The following ANKRD18B variants were observed in gnomAD, a reference collection of about 807,000 sequenced individuals.
The protein encoded by ANKRD18B is ankyrin repeat domain-containing protein 18B.
A neutral mutation model predicts 111.8 loss-of-function variants in ANKRD18B; 75 were observed. That is an observed-to-expected ratio of 0.67 (90% confidence interval 0.56 to 0.81). The LOEUF (loss-of-function observed/expected upper bound fraction) is 0.81, where lower values mean the gene tolerates loss of function less well. ANKRD18B is among the 40% of genes least tolerant of loss of function. The probability of loss-of-function intolerance (pLI) is 0.00; values close to 1 mark genes in which losing one functional copy is unlikely to be tolerated. For synonymous variants in ANKRD18B, 356 were observed against 417.3 expected (o/e 0.85, Z 1.79); for missense variants, 1,038 against 1,225.5 (o/e 0.85, Z 2.28).
chr9:33,558,994 G>A (rs1373473948), intron 14 of ANKRD18B, among the ~76,000 whole-genome samples: 1 of 152,086 alleles, frequency 6.6e-6, no homozygotes, highest in African/African-American at 2.4e-5. Flanking sequence ...AAAAAGGAGG[G>A]GCTAACAAGT....
At chr9:33,570,868 C>G (rs1828764037) in intron 17 of ANKRD18B, among the ~76,000 whole-genome samples, 1 of 152,082 alleles carries the variant, frequency 6.6e-6, no homozygotes, top group African/African-American at 2.4e-5. Context: ...GATCTCTTGA[C>G]CTCGTGATCT....
intron 12 of ANKRD18B, among the ~76,000 whole-genome samples, chr9:33,555,233 T>G (rs1409146039): frequency 2.0e-5 from 3 of 152,168 alleles, no homozygotes; most frequent in Non-Finnish European, 4.4e-5. Context: ...GGTGAATACT[T>G]ACAGAGAATG....
At chr9:33,554,931 ACCTTTG>A (rs1828500357) in intron 12 of ANKRD18B, among the ~76,000 whole-genome samples, 1 of 150,912 alleles carries the variant, frequency 6.6e-6, no homozygotes, top group Non-Finnish European at 1.5e-5. Flanking sequence ...ATTACACATG[ACCTTTG>A]CCAAGCAACC....
chr9:33,528,479 G>A (rs1210083228), intron 1 of ANKRD18B, among the ~76,000 whole-genome samples: 2 of 152,170 alleles, frequency 1.3e-5, no homozygotes, highest in Non-Finnish European at 2.9e-5. Flanking sequence ...GTAGGTGACC[G>A]AGTTCAAAGT....
chr9:33,551,665 T>C (rs1179350599), intron 12 of ANKRD18B, among the ~76,000 whole-genome samples: 1 of 152,090 alleles, frequency 6.6e-6, no homozygotes, highest in East Asian at 1.9e-4. Flanking sequence ...GATGGACCTT[T>C]AGGTTGTTTC....
intron 6 of ANKRD18B, among the ~76,000 whole-genome samples, chr9:33,538,603 G>T (rs191030384): frequency 5.4e-4 from 82 of 152,128 alleles, no homozygotes; most frequent in African/African-American, 2.0e-3. Flanking sequence ...AGGCATGGGG[G>T]TGGGCACCTG....
chr9:33,570,259 A>T (rs1828750038), intron 17 of ANKRD18B, among the ~76,000 whole-genome samples: 1 of 152,204 alleles, frequency 6.6e-6, no homozygotes, highest in Admixed American at 6.5e-5. Context: ...GTGCCCATTG[A>T]CATAAACATG....
chr9:33,534,038 G>A (rs1339794541), intron 4 of ANKRD18B, among the ~76,000 whole-genome samples: 1 of 152,018 alleles, frequency 6.6e-6, no homozygotes, highest in East Asian at 1.9e-4. Context: ...AAAGCAATGG[G>A]AAAATCTTCA....
chr9:33,561,196 C>T (rs1828601623), intron 14 of ANKRD18B, among the ~76,000 whole-genome samples: 4 of 152,176 alleles, frequency 2.6e-5, no homozygotes, highest in African/African-American at 7.2e-5. Flanking sequence ...TTCCCTAACA[C>T]TTATTTTCTC....
chr9:33,555,664 G>A, intron 12 of ANKRD18B, 44 bp from the exon 13 acceptor site: 2 of 1,211,266 alleles, frequency 1.7e-6, no homozygotes, highest in Non-Finnish European at 2.2e-6. Flanking sequence ...ATAGAAGAGG[G>A]TCTCTAGATT....
chr9:33,548,657 A>G lies in ANKRD18B; in HGVS notation c.1869A>G (p.Glu623=), dbSNP rs888000380. The change falls in exon 11 of 19, where the codon GAA becomes GAG. Residue 623 remains glutamate (E), a synonymous_variant. Transcript: ENST00000684830. The stretch of plus-strand genomic sequence containing the variant: ...AGAGAATACGTCAACGAGAACTTGA[A>G]AATCTCTTGCTTGAACGACAACTAG... ...SEERIRQREL[E]NLLLERQLED... The G allele has an allele frequency of 1.9e-6, 3 of 1,551,208 alleles. No homozygotes were observed. Among genetic ancestry groups the G allele is most frequent in the African/African-American group, 2.7e-5 (2 of 73,018 alleles).
rs774230880 is a variant in ANKRD18B at position 33,529,123 on chromosome 9, C to G, written c.445C>G (p.Leu149Val). ...TGCCGTGTATAATGAGGGGACTTCA[C>G]TGGCAGAAAGACTGCTTTCCCACCA... ...HYAVYNEGTS[L>V]AERLLSHHAN... The change falls in exon 3 of 19, where the codon CTG (leucine) becomes GTG (valine). Residue 149 changes from leucine to valine, a missense_variant. Transcript: ENST00000684830. 1.9e-6 allele frequency: 3 copies of G among 1,611,984 alleles called. No homozygotes were observed. Among genetic ancestry groups the G allele is most frequent in the East Asian group, 2.2e-5 (1 of 44,882 alleles).
chr9:33,538,550 A>G (rs1328300655), intron 6 of ANKRD18B, among the ~76,000 whole-genome samples: 1 of 152,212 alleles, frequency 6.6e-6, no homozygotes, highest in Non-Finnish European at 1.5e-5. Context: ...AGCCTGACCA[A>G]CATGGTGAAA....
chr9:33,526,527 C>T (rs2117959742), intron 1 of ANKRD18B, among the ~76,000 whole-genome samples: 1 of 152,102 alleles, frequency 6.6e-6, no homozygotes, highest in Admixed American at 6.5e-5. Context: ...CTTTTTCTTA[C>T]CTTTGATTTC....
intron 9 of ANKRD18B, among the ~76,000 whole-genome samples, chr9:33,541,830 A>G (rs540707249): frequency 6.6e-6 from 1 of 152,348 alleles, no homozygotes; most frequent in South Asian, 2.1e-4. Flanking sequence ...TGGTTTATAT[A>G]AGGCTTTCAG....
rs141289323 is a variant in ANKRD18B, at chr9:33,531,826, T to C, written c.496-1613T>C. On this transcript the variant is annotated intron_variant, in intron 3 of 18. Coordinates refer to ENST00000684830, the MANE Select transcript of ANKRD18B (RefSeq NM_001393611.1). ...TCTTTTTTTATATCTATACCACAAA[T>C]AGTCATCTGCTCATAAGAATGCCTA... 2.7e-3 allele frequency among the ~76,000 whole-genome samples: 412 copies of C among 151,750 alleles called. 6 individuals carry two copies. The highest frequency in any genetic ancestry group is 9.6e-3 in the African/African-American group (396 of 41,292).
chr9:33,568,903 A>G lies in ANKRD18B; in HGVS notation c.3177+10A>G, dbSNP rs1587278727. On this transcript the variant is annotated intron_variant, in intron 17 of 18. Transcript: ENST00000684830. ...GAACTCCTTGACTGAGGTTAGTTATATGACCATTTCTCTTTTGGGTTTCAT... is the reference window on the plus strand; with the variant it reads ...GAACTCCTTGACTGAGGTTAGTTATGTGACCATTTCTCTTTTGGGTTTCAT... 2.0e-6 allele frequency: 3 copies of G among 1,528,020 alleles called. No homozygotes were observed. The highest frequency in any genetic ancestry group is 1.3e-5 in the South Asian group (1 of 79,506). The allele number at this position is 1,528,020 out of a possible 1,614,324, so 94.7% of individuals were successfully genotyped here.
At chr9:33,558,643 C>T (rs1481423945) in intron 14 of ANKRD18B, among the ~76,000 whole-genome samples, 1 of 152,000 alleles carries the variant, frequency 6.6e-6, no homozygotes, top group Non-Finnish European at 1.5e-5. Flanking sequence ...GTGAATAGTG[C>T]TGCAATGAAC....
intron 4 of ANKRD18B, among the ~76,000 whole-genome samples, chr9:33,534,112 TA>T (rs1828158564): frequency 6.6e-6 from 1 of 152,176 alleles, no homozygotes; most frequent in African/African-American, 2.4e-5. Context: ...CAAAGGACTA[TA>T]AATTAGCAAT....
Sources: gnomAD v4.1 joint callset for allele counts (sites outside exome capture counted in the v4.1 genomes callset) on GRCh38, gnomAD v4.1.1 for gene constraint, MANE v1.5 for transcripts, NCBI Gene and HGNC (gene_info 2026-07-23, HGNC 2026-07-21) for gene names.